The following ATP6AP2 variants were observed in gnomAD, a reference collection of about 807,000 sequenced individuals.
The protein encoded by ATP6AP2 is renin receptor.
ATP6AP2 carries 1 observed loss-of-function variant against 23.4 expected under a neutral mutation model. The observed-to-expected ratio is 0.04, with a 90% CI of 0.02 to 0.20. The LOEUF (loss-of-function observed/expected upper bound fraction) is 0.20. Among genes scored for constraint, ATP6AP2 ranks in the 10% least tolerant of loss-of-function variants. The pLI is 1.00. For synonymous variants in ATP6AP2, 90 were observed against 97.1 expected, an observed-to-expected ratio of 0.93 and a Z score of 0.43; for missense variants, 174 against 271.3, an observed-to-expected ratio of 0.64 and a Z score of 2.52.
Position 40,586,869 on chromosome X carries a change from C to T in ATP6AP2, c.38-2117C>T, listed in dbSNP as rs143602551. 9.9e-3 allele frequency among the ~76,000 whole-genome samples: 1,109 copies of T among 112,301 alleles called. 13 individuals carry two copies. Among genetic ancestry groups the T allele is most frequent in the African/African-American group, 0.034 (1,052 of 30,887 alleles). ...TGTACAGGCATGGAAGTTGAAACTA[C>T]GAAGCTGGGGCAAAGTTATTTGGTA... On this transcript the variant is annotated intron_variant, in intron 1 of 8. Transcript: ENST00000636580.
chrX:40,596,692 C>T (rs1032128975), intron 3 of ATP6AP2, among the ~76,000 whole-genome samples: 2 of 111,739 alleles, frequency 1.8e-5, no homozygotes, highest in African/African-American at 6.5e-5. Flanking sequence ...CTAATAATAT[C>T]AACATGTCCT....
chrX:40,589,570 T>A (rs1046661752), intron 2 of ATP6AP2: 3 of 120,410 alleles, frequency 2.5e-5, no homozygotes, highest in African/African-American at 9.8e-5. Context: ...TTTTTTTTTT[T>A]AGTATAGGCG....
intron 2 of ATP6AP2, chrX:40,590,217 AT>A (rs1305770746): frequency 9.0e-6 from 1 of 111,003 alleles, no homozygotes; most frequent in East Asian, 2.8e-4. Context: ...CGCCTAGCTG[AT>A]TTTTTAATTT....
chrX:40,602,944 A>ATTTTTTTTTTTTTTTT (rs1926975233), intron 8 of ATP6AP2, among the ~76,000 whole-genome samples: 1 of 31,686 alleles, frequency 3.2e-5, no homozygotes, highest in African/African-American at 1.4e-4. Flanking sequence ...TTTTTTTTGG[A>ATTTTTTTTTTTTTTTT]TTTTTTGGAG....
intron 3 of ATP6AP2, chrX:40,591,710 C>T: frequency 4.1e-6 from 1 of 241,122 alleles, no homozygotes; most frequent in Non-Finnish European, 7.7e-6. Flanking sequence ...GTCATCTTCC[C>T]TGCAGGATTT....
rs758003959 is a variant in ATP6AP2, at chrX:40,605,642, A to T, written c.940A>T (p.Met314Leu). The T allele has an allele frequency of 1.2e-5, 14 of 1,206,553 alleles. No individual in the cohort carries two copies. In the South Asian group the frequency reaches 2.5e-4, roughly 21 times the overall value. Residue 314 changes from methionine (M) to leucine (L), a missense_variant, in exon 9 of 9, where the codon ATG becomes TTG. Met to Leu is a conservative substitution (Grantham distance 15). Coordinates refer to ENST00000636580, the MANE Select transcript of ATP6AP2 (RefSeq NM_005765.3). ...GGTTTTCAACATGGTACTTTGGATA[A>T]TGATCGCCTTGGCCTTGGCTGTGAT... ...SVVFNMVLWIMIALALAVIIT... is the reference protein window; with the variant it reads ...SVVFNMVLWILIALALAVIIT...
At chrX:40,593,480 A>G (rs1926696119) in intron 3 of ATP6AP2, among the ~76,000 whole-genome samples, 2 of 109,804 alleles carry the variant, frequency 1.8e-5, no homozygotes, top group Non-Finnish European at 3.8e-5. Flanking sequence ...GTATTCCATT[A>G]TGTTTATATA....
In ATP6AP2 at chrX:40,591,333, C is replaced by T. The variant is rs9014; in HGVS notation, c.268C>T (p.Pro90Ser). The T allele has an allele frequency of 8.3e-7, 1 of 1,209,173 alleles. No homozygotes were observed. Among genetic ancestry groups the T allele is most frequent in the African/African-American group, 1.7e-5 (1 of 57,175 alleles). ...GGGAGTGAACAAACTGGCTCTACCC[C>T]CAGGCAGTGTCATTTCGTACCCTTT... The part of the protein sequence containing the change: ...VKGVNKLALP[P>S]GSVISYPLEN... Residue 90 changes from proline to serine, a missense_variant, in exon 3 of 9, where the codon CCA (proline) becomes TCA (serine). Coordinates refer to ENST00000636580, the MANE Select transcript of ATP6AP2 (RefSeq NM_005765.3).
At chrX:40,600,060 A>G in intron 7 of ATP6AP2, 1 of 261,448 alleles carries the variant, frequency 3.8e-6, no homozygotes, top group Non-Finnish European at 7.0e-6. Context: ...AAGTGCAAGT[A>G]CGTTCACATG....
In ATP6AP2 at chrX:40,591,258, G is replaced by A; in HGVS notation, c.193G>A (p.Val65Met). The change falls in exon 3 of 9, where the codon GTG becomes ATG. Residue 65 changes from valine to methionine, a missense_variant. Val to Met is a conservative substitution (Grantham distance 21). Transcript: ENST00000636580. Reference sequence around the variant, plus strand: ...GGACCTTTCTTGGCCAGGACTCGCAGTGGGTAACCTGTTTCATCGTCCTCG... The same window carrying A: ...GGACCTTTCTTGGCCAGGACTCGCAATGGGTAACCTGTTTCATCGTCCTCG... ...KEDLSWPGLA[V>M]GNLFHRPRAT... 8.3e-7 allele frequency: 1 copy of A among 1,210,725 alleles called. No individual in the cohort carries two copies. The highest frequency in any genetic ancestry group is 3.0e-5 in the East Asian group (1 of 33,867).
rs1224146061 is a variant in ATP6AP2 at position 40,606,262 on chromosome X, C to T, written c.*507C>T. ...AGAGTAGCCCTAAAATATGGATGTG[C>T]TTATATAATCGCTTAGTTTTGGAAC... On this transcript the variant is annotated 3_prime_UTR_variant, in exon 9 of 9. Transcript: ENST00000636580. 3 of 117,473 alleles carry T rather than the reference C, an allele frequency of 2.6e-5. No homozygotes were observed. The Admixed American group carries it at 2.6e-4, about 10-fold the overall frequency. The allele number at this position is 117,473 out of a possible 1,213,427, so 9.7% of individuals were successfully genotyped here.
intron 8 of ATP6AP2, among the ~76,000 whole-genome samples, chrX:40,603,673 C>T (rs2146546229): frequency 8.9e-6 from 1 of 112,048 alleles, no homozygotes; most frequent in African/African-American, 3.2e-5. Flanking sequence ...CTTGTCTGAA[C>T]TCATCTGTCT....
At position 40,600,834 on chromosome X, in the gene ATP6AP2, A is replaced by G; in HGVS notation, c.811A>G (p.Thr271Ala). ...VELVTVKSFD[T>A]SLIRKTRTIL... is the part of the protein sequence containing the mutation. ...GTTAGTCACTGTCAAGTCATTTGAC[A>G]CCTCCCTCATTAGGAAGACAAGGAC... The change falls in exon 8 of 9, where the codon ACC (threonine) becomes GCC (alanine). Residue 271 changes from threonine to alanine, a missense_variant. Thr to Ala is a moderately conservative substitution (Grantham distance 58, BLOSUM62 0). Coordinates refer to ENST00000636580, the MANE Select transcript of ATP6AP2 (RefSeq NM_005765.3). 1 of 1,207,920 alleles carries G rather than the reference A, an allele frequency of 8.3e-7. No individual in the cohort carries two copies.
At chrX:40,587,620 A>G (rs1044138213) in intron 1 of ATP6AP2, among the ~76,000 whole-genome samples, 1 of 112,463 alleles carries the variant, frequency 8.9e-6, no homozygotes, top group African/African-American at 3.2e-5. Flanking sequence ...AATAACACTG[A>G]TTCTTTACTA....
intron 3 of ATP6AP2, chrX:40,591,988 G>A (rs1232123177): frequency 8.8e-6 from 1 of 113,071 alleles, no homozygotes; most frequent in Non-Finnish European, 1.9e-5. Context: ...CGCTGAAACT[G>A]TGTTTCCTGC....
intron 8 of ATP6AP2, among the ~76,000 whole-genome samples, chrX:40,601,230 A>G (rs986240382): frequency 9.0e-6 from 1 of 111,552 alleles, no homozygotes; most frequent in East Asian, 2.8e-4. Context: ...TCAGGAGGCC[A>G]AGGCAGGAGG....
At chrX:40,587,219 A>G (rs1926498053) in intron 1 of ATP6AP2, among the ~76,000 whole-genome samples, 1 of 112,079 alleles carries the variant, frequency 8.9e-6, no homozygotes, top group Non-Finnish European at 1.9e-5. Context: ...GCAGTGAGCC[A>G]ATATTGTGCC....
intron 1 of ATP6AP2, among the ~76,000 whole-genome samples, chrX:40,587,144 C>T (rs1926495439): frequency 9.0e-6 from 1 of 111,226 alleles, no homozygotes; most frequent in Non-Finnish European, 1.9e-5. Flanking sequence ...GTGGCACACA[C>T]CTGTAATCCC....
chrX:40,591,682 T>A (rs1352110637), intron 3 of ATP6AP2: 5 of 252,409 alleles, frequency 2.0e-5, no homozygotes, highest in Admixed American at 1.7e-4. Context: ...CTGCTACTGT[T>A]TTTTTGGCCA....
Sources: gnomAD v4.1 joint callset for allele counts (sites outside exome capture counted in the v4.1 genomes callset) on GRCh38, gnomAD v4.1.1 for gene constraint, MANE v1.5 for transcripts, NCBI Gene and HGNC (gene_info 2026-07-23, HGNC 2026-07-21) for gene names.